The following DIAPH3 variants were observed in gnomAD, a reference collection of about 807,000 sequenced individuals.
DIAPH3 encodes the protein protein diaphanous homolog 3.
DIAPH3 carries 117 observed loss-of-function variants against 144.3 expected under a neutral mutation model. That is an observed-to-expected ratio of 0.81 (90% CI 0.70 to 0.95). The LOEUF (loss-of-function observed/expected upper bound fraction) is 0.95, where lower values mean the gene tolerates loss of function less well. Ranked by LOEUF, DIAPH3 falls within the 40% of genes least tolerant of loss-of-function variation. The pLI, the probability that DIAPH3 is intolerant of heterozygous loss-of-function variation, is 0.00. For synonymous variants in DIAPH3, 519 were observed against 488.9 expected (o/e 1.06, Z -0.81); for missense variants, 1,421 against 1,412.7 (o/e 1.01, Z -0.09).
chr13:60,005,009 A>G (rs1391005895), intron 9 of DIAPH3, among the ~76,000 whole-genome samples: 1 of 152,132 alleles, frequency 6.6e-6, no homozygotes, highest in Admixed American at 6.5e-5. Flanking sequence ...ACCTCTATTC[A>G]CTCAACACTA....
At chr13:59,670,684 G>A (rs1043036202) in intron 27 of DIAPH3, among the ~76,000 whole-genome samples, 2 of 150,792 alleles carry the variant, frequency 1.3e-5, no homozygotes, top group African/African-American at 2.4e-5. Flanking sequence ...CCGGGTTCAC[G>A]CCATTGTCTT....
intron 4 of DIAPH3, among the ~76,000 whole-genome samples, chr13:60,049,869 A>G (rs1265946477): frequency 6.6e-6 from 1 of 152,174 alleles, no homozygotes; most frequent in East Asian, 1.9e-4. Context: ...GCCTCTAGAG[A>G]AAATAATATC....
chr13:59,821,732 A>T (rs2041086017), intron 24 of DIAPH3, among the ~76,000 whole-genome samples: 1 of 152,176 alleles, frequency 6.6e-6, no homozygotes, highest in African/African-American at 2.4e-5. Flanking sequence ...AATCAAAATA[A>T]TTTTTCTAGT....
chr13:60,056,389 T>C (rs935613177), intron 4 of DIAPH3, among the ~76,000 whole-genome samples: 1 of 151,798 alleles, frequency 6.6e-6, no homozygotes, highest in Non-Finnish European at 1.5e-5. Flanking sequence ...TATACAAATA[T>C]GTGTTTTCTA....
At chr13:59,990,390 C>G (rs1354526165) in intron 12 of DIAPH3, among the ~76,000 whole-genome samples, 1 of 151,766 alleles carries the variant, frequency 6.6e-6, no homozygotes, top group African/African-American at 2.4e-5. Flanking sequence ...AAGAAAAAAA[C>G]ACCCAAAGTA....
intron 17 of DIAPH3, among the ~76,000 whole-genome samples, chr13:59,967,161 G>C (rs1322181751): frequency 6.6e-6 from 1 of 152,042 alleles, no homozygotes; most frequent in Non-Finnish European, 1.5e-5. Flanking sequence ...CTGCCTCCCA[G>C]GTTCAAGCGA....
intron 24 of DIAPH3, among the ~76,000 whole-genome samples, chr13:59,819,721 CAAG>C (rs1433035388): frequency 2.0e-5 from 3 of 147,548 alleles, no homozygotes; most frequent in Non-Finnish European, 4.5e-5. Context: ...AGAATGCCTT[CAAG>C]AATACATTAA....
At chr13:59,870,259 A>G (rs2044176624) in intron 21 of DIAPH3, among the ~76,000 whole-genome samples, 1 of 152,016 alleles carries the variant, frequency 6.6e-6, no homozygotes, top group African/African-American at 2.4e-5. Context: ...CTTTGTCAAA[A>G]TCAACTGACT....
At position 59,729,808 on chromosome 13, in the gene DIAPH3, A is replaced by ATTTTTTTTT. The variant is rs202135165; in HGVS notation, c.3319+44380_3319+44381insAAAAAAAAA. On this transcript the variant is annotated intron_variant, in intron 27 of 27. Coordinates refer to ENST00000400324, the MANE Select transcript of DIAPH3 (RefSeq NM_001042517.2). The stretch of plus-strand genomic sequence containing the variant: ...TTTGTGACTTCCGGTGAATACATTA[A>ATTTTTTTTT]TATTTTTTTTTTTTTTTTTTTGAGA... 3.4e-3 allele frequency among the ~76,000 whole-genome samples: 388 copies of ATTTTTTTTT among 115,150 alleles called. 11 individuals are homozygous for ATTTTTTTTT. Among genetic ancestry groups the ATTTTTTTTT allele is most frequent in the South Asian group, 0.017 (60 of 3,606 alleles). The allele number at this position is 115,150 out of a possible 152,430, so 75.5% of individuals were successfully genotyped here.
At chr13:60,022,605 A>T (rs1432258180) in intron 5 of DIAPH3, among the ~76,000 whole-genome samples, 2 of 152,182 alleles carry the variant, frequency 1.3e-5, no homozygotes, top group African/African-American at 4.8e-5. Flanking sequence ...CAATCCTTCC[A>T]GTCATCAGAT....
At chr13:59,761,417 C>G (rs765617014) in intron 27 of DIAPH3, among the ~76,000 whole-genome samples, 1 of 152,080 alleles carries the variant, frequency 6.6e-6, no homozygotes, top group Non-Finnish European at 1.5e-5. Context: ...AGAAGGGTAC[C>G]TTTGCTCTAA....
chr13:59,998,778 C>A (rs1285264926), intron 9 of DIAPH3, among the ~76,000 whole-genome samples: 1 of 151,790 alleles, frequency 6.6e-6, no homozygotes, highest in Non-Finnish European at 1.5e-5. Context: ...ATATATCAAC[C>A]CTATTCATGC....
At chr13:59,765,268 C>T (rs1351849562) in intron 27 of DIAPH3, among the ~76,000 whole-genome samples, 1 of 152,078 alleles carries the variant, frequency 6.6e-6, no homozygotes, top group Non-Finnish European at 1.5e-5. Context: ...ATTCTATGTG[C>T]CATTCTTGTT....
At chr13:59,925,774 A>G (rs2047722789) in intron 17 of DIAPH3, among the ~76,000 whole-genome samples, 1 of 152,032 alleles carries the variant, frequency 6.6e-6, no homozygotes, top group African/African-American at 2.4e-5. Flanking sequence ...CGTGTCCAGA[A>G]ATTTCTTCAT....
intron 27 of DIAPH3, among the ~76,000 whole-genome samples, chr13:59,676,499 C>T (rs1385178929): frequency 3.3e-5 from 5 of 151,890 alleles, no homozygotes; most frequent in African/African-American, 9.7e-5. Flanking sequence ...GCTATAGTTT[C>T]TTCAACTGTT....
intron 2 of DIAPH3, among the ~76,000 whole-genome samples, chr13:60,120,408 T>C (rs959828069): frequency 1.3e-5 from 2 of 152,210 alleles, no homozygotes; most frequent in Non-Finnish European, 2.9e-5. Flanking sequence ...TTCCTCAATG[T>C]TACAAATGGG....
At chr13:59,960,481 T>C (rs765083881) in intron 17 of DIAPH3, among the ~76,000 whole-genome samples, 4 of 152,158 alleles carry the variant, frequency 2.6e-5, no homozygotes. Flanking sequence ...ACTAAAAACA[T>C]TAAGAGTTAT....
chr13:60,124,416 C>T (rs987178633), intron 2 of DIAPH3, among the ~76,000 whole-genome samples: 7 of 152,174 alleles, frequency 4.6e-5, no homozygotes, highest in African/African-American at 9.7e-5. Flanking sequence ...TATCCTTTAA[C>T]AGATGACCTC....
At chr13:59,744,324 ACCAAGT>A (rs1054881770) in intron 27 of DIAPH3, among the ~76,000 whole-genome samples, 4 of 152,158 alleles carry the variant, frequency 2.6e-5, no homozygotes, top group Admixed American at 1.3e-4. Context: ...AATAATATCC[ACCAAGT>A]TCAGTTAATA....
Sources: allele counts gnomAD v4.1 joint callset (sites outside exome capture counted in the v4.1 genomes callset), GRCh38; gene constraint gnomAD v4.1.1; transcripts MANE v1.5; gene names NCBI Gene and HGNC (gene_info 2026-07-23, HGNC 2026-07-21).